PAIP1: variants seen among roughly 807,000 people sequenced by gnomAD.
PAIP1 encodes the protein polyadenylate-binding protein-interacting protein 1.
PAIP1 carries 16 observed loss-of-function variants against 61.3 expected under a neutral mutation model. The observed-to-expected ratio is 0.26, with a 90% CI of 0.18 to 0.40. The LOEUF (loss-of-function observed/expected upper bound fraction) is 0.40. Among genes scored for constraint, PAIP1 ranks in the 10% least tolerant of loss-of-function variants. The pLI, the probability that PAIP1 is intolerant of heterozygous loss-of-function variation, is 1.00. For synonymous variants in PAIP1, 187 were observed against 226.2 expected (o/e 0.83, Z 1.56); for missense variants, 416 against 600.9 (o/e 0.69, Z 3.22).
At chr5:43,530,767 C>T (rs921509358) in intron 9 of PAIP1, among the ~76,000 whole-genome samples, 1 of 152,112 alleles carries the variant, frequency 6.6e-6, no homozygotes, top group African/African-American at 2.4e-5. Flanking sequence ...AAATCCAAGT[C>T]ATCAGGTCAC....
chr5:43,556,616 G>A lies in PAIP1; in HGVS notation c.231C>T (p.Ser77=). ...PPGAQCEVPA[S]PQRPSRPGAL... Reference sequence around the variant, plus strand: ...CCCCGGGCCGGGAAGGCCGCTGGGGGCTGGCGGGGACCTCGCACTGGGCCC... The same window carrying A: ...CCCCGGGCCGGGAAGGCCGCTGGGGACTGGCGGGGACCTCGCACTGGGCCC... The change falls in exon 1 of 11, where the codon AGC becomes AGT. Residue 77 remains serine, a synonymous_variant. Transcript: ENST00000306846. 1 of 1,257,230 alleles carries A rather than the reference G, an allele frequency of 8.0e-7. No individual in the cohort carries two copies. The highest frequency in any genetic ancestry group is 1.0e-6 in the Non-Finnish European group (1 of 998,302). 77.9% of individuals were successfully genotyped at this position (1,257,230 alleles called of 1,614,324 possible).
At chr5:43,541,488 G>A (rs1747408180) in intron 4 of PAIP1, among the ~76,000 whole-genome samples, 1 of 149,080 alleles carries the variant, frequency 6.7e-6, no homozygotes. Context: ...GACATATTTG[G>A]GATTTCAGCA....
In PAIP1 at chr5:43,535,803, C is replaced by T. The variant is rs957249670; in HGVS notation, c.973-163G>A. On this transcript the variant is annotated intron_variant, in intron 6 of 10. Coordinates refer to ENST00000306846, the MANE Select transcript of PAIP1 (RefSeq NM_006451.5). ...CATCTAATATTCAGTGATCTCTACG[C>T]CCTCTATATTTCTCTTGACTGAGAG... Among the ~76,000 whole-genome samples, 8 of 152,124 alleles carry T rather than the reference C, an allele frequency of 5.3e-5. No homozygotes were observed. The East Asian group carries it at 1.4e-3, about 26-fold the overall frequency.
At chr5:43,535,398 C>T (rs967135838) in intron 7 of PAIP1, 136 bp downstream of exon 7, 1 of 641,006 alleles carries the variant, frequency 1.6e-6, no homozygotes, top group African/African-American at 1.9e-5. Context: ...AATATTATTC[C>T]TTTAAAGAAA....
Position 43,556,828 on chromosome 5 carries a change from G to C in PAIP1, c.19C>G (p.Arg7Gly). Residue 7 changes from arginine (R) to glycine (G), a missense_variant, in exon 1 of 11, where the codon CGG becomes GGG. Transcript: ENST00000306846. MSDGFDRAPGAGRGRSR... is the reference protein window; with the variant it reads MSDGFDGAPGAGRGRSR... Reference sequence around the variant, plus strand: ...CGGCCCCGACCAGCACCTGGGGCCCGATCGAAACCGTCCGACATGCTCCTC... The same window carrying C: ...CGGCCCCGACCAGCACCTGGGGCCCCATCGAAACCGTCCGACATGCTCCTC... 1.4e-6 allele frequency: 2 copies of C among 1,450,828 alleles called. No homozygotes were observed. Among genetic ancestry groups the C allele is most frequent in the Non-Finnish European group, 1.8e-6 (2 of 1,103,942 alleles). 89.9% of individuals were successfully genotyped at this position (1,450,828 alleles called of 1,614,324 possible). A position where few individuals can be genotyped will look rare whatever the true frequency, so the allele number is the denominator to read the frequency against.
Position 43,539,020 on chromosome 5 carries a change from A to G in PAIP1, c.750T>C (p.Tyr250=). 6.3e-7 allele frequency: 1 copy of G among 1,599,800 alleles called. No individual in the cohort carries two copies. Among genetic ancestry groups the G allele is most frequent in the Non-Finnish European group, 8.6e-7 (1 of 1,167,212 alleles). ...CTTTTGCAGCTTGATCTTTAACTTC[A>G]TATTCAGTCCGACATCTAATTAAAG... is the stretch of plus-strand genomic sequence containing the variant. The part of the protein sequence containing the change: ...QLLLQRCRTE[Y]EVKDQAAKGD... Residue 250 remains tyrosine (Y), a synonymous_variant, in exon 5 of 11, where the codon TAT becomes TAC. Transcript: ENST00000306846.
At position 43,556,999 on chromosome 5, in the gene PAIP1, T is replaced by C. The variant is rs911446489; in HGVS notation, c.-153A>G. 8 of 1,212,826 alleles carry C rather than the reference T, an allele frequency of 6.6e-6. No homozygotes were observed. The highest frequency in any genetic ancestry group is 1.6e-5 in the African/African-American group (1 of 63,416). 75.1% of individuals were successfully genotyped at this position (1,212,826 alleles called of 1,614,324 possible). A position where few individuals can be genotyped will look rare whatever the true frequency, so the allele number is the denominator to read the frequency against. ...GGCGGGCCCCGGCTCGGCTGCTCGG[T>C]GCTTCTGGCGGAGCGGACGGCAGCC... On this transcript the variant is annotated 5_prime_UTR_variant, in exon 1 of 11. Transcript: ENST00000306846.
chr5:43,556,218 GTGCT>G, intron 1 of PAIP1: 3 of 1,301,306 alleles, frequency 2.3e-6, no homozygotes, highest in Non-Finnish European at 2.9e-6. Context: ...TCTCAAATGA[GTGCT>G]TGCGAGCTTT....
chr5:43,550,954 T>C (rs1461993569), intron 2 of PAIP1, among the ~76,000 whole-genome samples: 2 of 152,072 alleles, frequency 1.3e-5, no homozygotes, highest in East Asian at 3.9e-4. Context: ...GATATTCTCT[T>C]TCTATGGGCA....
chr5:43,546,726 C>T (rs919448674), intron 3 of PAIP1, among the ~76,000 whole-genome samples: 2 of 152,030 alleles, frequency 1.3e-5, no homozygotes, highest in Admixed American at 6.6e-5. Flanking sequence ...GTGTTGTCTA[C>T]TGTATTTTTC....
chr5:43,527,783 ATAT>A (rs1746763091), intron 10 of PAIP1, among the ~76,000 whole-genome samples: 1 of 152,186 alleles, frequency 6.6e-6, no homozygotes. Context: ...CTCAAGATCG[ATAT>A]TAATAAATTT....
In PAIP1 at chr5:43,530,642, T is replaced by C. The variant is rs547509427; in HGVS notation, c.1253-763A>G. Among the ~76,000 whole-genome samples the C allele has an allele frequency of 1.2e-4, 18 of 152,324 alleles. No individual in the cohort carries two copies. The South Asian group carries it at 3.7e-3, about 32-fold the overall frequency. ...AAACCGTAACTCCAGCTTCAAGGGCTGGGGACATTTTGATACCCAATTTTG... is the reference window on the plus strand; with the variant it reads ...AAACCGTAACTCCAGCTTCAAGGGCCGGGGACATTTTGATACCCAATTTTG... On this transcript the variant is annotated intron_variant, in intron 9 of 10. Transcript: ENST00000306846.
chr5:43,554,707 G>A (rs1257968440), intron 2 of PAIP1, among the ~76,000 whole-genome samples: 1 of 152,188 alleles, frequency 6.6e-6, no homozygotes, highest in African/African-American at 2.4e-5. Flanking sequence ...CGACCAGGAA[G>A]CAGAGTAACT....
chr5:43,539,153 C>T, intron 4 of PAIP1, 118 bp from the exon 5 acceptor site: 1 of 655,394 alleles, frequency 1.5e-6, no homozygotes, highest in South Asian at 1.8e-5. Flanking sequence ...TGTCCCAATG[C>T]TCTTTCTACA....
At position 43,555,878 on chromosome 5, in the gene PAIP1, A is replaced by T; in HGVS notation, c.387T>A (p.Ser129=). The T allele has an allele frequency of 6.2e-7, 1 of 1,613,704 alleles. No homozygotes were observed. Among genetic ancestry groups the T allele is most frequent in the Non-Finnish European group, 8.5e-7 (1 of 1,179,920 alleles). ...AAGGGTAAAATTCAGGGGCATTCAC[A>T]GACAGCTTAGACATTAATACAGGAG... The part of the protein sequence containing the change: ...VVAPVLMSKL[S]VNAPEFYPSG... Residue 129 remains serine, a synonymous_variant, in exon 2 of 11, where the codon TCT becomes TCA. Transcript: ENST00000306846.
chr5:43,534,448 C>CT (rs1204204129), intron 8 of PAIP1, among the ~76,000 whole-genome samples: 2 of 152,190 alleles, frequency 1.3e-5, no homozygotes, highest in African/African-American at 4.8e-5. Flanking sequence ...ATCTGCCCAC[C>CT]TTGGCCTCCC....
rs377081797 is a variant in PAIP1 at position 43,556,256 on chromosome 5, G to A, written c.266-257C>T. ...TTTTTCCTCTCTGTCGTTTTAAAGG[G>A]GTCGGTGGAAAAGAGGTGGTTACTC... is the stretch of plus-strand genomic sequence containing the variant. On this transcript the variant is annotated intron_variant, in intron 1 of 10. Transcript: ENST00000306846. The A allele has an allele frequency of 1.4e-4, 182 of 1,277,632 alleles. 2 individuals are homozygous for A. The South Asian group carries it at 4.5e-3, about 32-fold the overall frequency. The allele number at this position is 1,277,632 out of a possible 1,614,324, so 79.1% of individuals were successfully genotyped here. A position where few individuals can be genotyped will look rare whatever the true frequency, so the allele number is the denominator to read the frequency against.
chr5:43,544,363 T>C (rs897062248), intron 3 of PAIP1, among the ~76,000 whole-genome samples: 1 of 152,142 alleles, frequency 6.6e-6, no homozygotes, highest in Non-Finnish European at 1.5e-5. Flanking sequence ...CATGTATGTT[T>C]AGCTGGTACC....
chr5:43,540,450 A>G (rs1223164622), intron 4 of PAIP1, among the ~76,000 whole-genome samples: 3 of 152,186 alleles, frequency 2.0e-5, no homozygotes, highest in Non-Finnish European at 4.4e-5. Flanking sequence ...GTACATGCAA[A>G]CAAATACCTA....
Sources: gnomAD v4.1 joint callset for allele counts (sites outside exome capture counted in the v4.1 genomes callset) on GRCh38, gnomAD v4.1.1 for gene constraint, MANE v1.5 for transcripts, NCBI Gene and HGNC (gene_info 2026-07-23, HGNC 2026-07-21) for gene names.